The following WNT7B variants were observed in gnomAD, a reference collection of about 807,000 sequenced individuals.
WNT7B encodes protein Wnt-7b.
Under a neutral mutation model 38.2 loss-of-function variants are expected in WNT7B, and 19 were observed. The ratio of observed to expected loss-of-function variants is 0.50; its 90% confidence interval spans 0.35 to 0.73. The LOEUF (loss-of-function observed/expected upper bound fraction) is 0.73, where lower values mean the gene tolerates loss of function less well. WNT7B is among the 30% of genes least tolerant of loss of function. WNT7B has a pLI of 0.01. For missense variants in WNT7B, 423 were observed against 507.9 expected, an observed-to-expected ratio of 0.83 and a Z score of 1.61; for synonymous variants, 243 against 209.3, an observed-to-expected ratio of 1.16 and a Z score of -1.39.
chr22:45,940,622 C>G (rs949115123), intron 2 of WNT7B, among the ~76,000 whole-genome samples: 8 of 152,208 alleles, frequency 5.3e-5, no homozygotes, highest in African/African-American at 1.7e-4. Context: ...AGGCCGAGCA[C>G]ACAGCAGGGC....
chr22:45,975,145 T>C lies in WNT7B; in HGVS notation c.71+1539A>G, dbSNP rs1932524529. The stretch of plus-strand genomic sequence containing the variant: ...GGTCCTGTGCCCAGTTTCCTAATCC[T>C]TGAATCCGGGAGAGTAAAAGCACCT... On this transcript the variant is annotated intron_variant, in intron 1 of 3. Transcript: ENST00000339464. The surrounding 1 kb of genome is among the most constrained non-coding windows in gnomAD (Gnocchi z 6.6). Among the ~76,000 whole-genome samples, 1 of 152,088 alleles carries C rather than the reference T, an allele frequency of 6.6e-6. No homozygotes were observed. The highest frequency in any genetic ancestry group is 1.5e-5 in the Non-Finnish European group (1 of 67,994).
intron 3 of WNT7B, among the ~76,000 whole-genome samples, chr22:45,923,879 A>G (rs1273093515): frequency 1.3e-5 from 2 of 152,178 alleles, no homozygotes; most frequent in Non-Finnish European, 2.9e-5. Context: ...CCCAAGGCCA[A>G]GGGGAGCAGG....
rs1395766089 is a variant in WNT7B at position 45,922,967 on chromosome 22, G to C, written c.939C>G (p.Tyr313Ter). 6.2e-7 allele frequency: 1 copy of C among 1,613,388 alleles called. No homozygotes were observed. The highest frequency in any genetic ancestry group is 8.5e-7 in the Non-Finnish European group (1 of 1,179,876). ...ACACCTTGGTGTACTGGTGGGTGTT[G>C]TAGCCTCGGCCGCAGCACATGGTGT... ...GCDTMCCGRGYNTHQYTKVWQ... is the reference protein window; with the variant it reads ...GCDTMCCGRG Residue 313 changes from tyrosine to a stop codon, truncating the protein, a stop_gained, in exon 4 of 4, where the codon TAC (tyrosine) becomes TAG (stop). Transcript: ENST00000339464. LOFTEE classifies it high-confidence loss of function.
chr22:45,957,850 G>A (rs1315018651), intron 1 of WNT7B, among the ~76,000 whole-genome samples: 4 of 152,126 alleles, frequency 2.6e-5, no homozygotes, highest in Admixed American at 6.5e-5. Flanking sequence ...GCCAGCCACC[G>A]ACCTAAGGCA....
chr22:45,936,004 C>G (rs1291829349), intron 2 of WNT7B: 11 of 985,344 alleles, frequency 1.1e-5, no homozygotes, highest in Middle Eastern at 5.2e-4. Context: ...GGTCTGTACC[C>G]CCAGATTCTA....
intron 2 of WNT7B, among the ~76,000 whole-genome samples, chr22:45,943,079 ACGTGTGTG>A (rs1180673326): frequency 6.6e-6 from 1 of 150,880 alleles, no homozygotes; most frequent in Non-Finnish European, 1.5e-5. Flanking sequence ...ACATGTGTGC[ACGTGTGTG>A]CGTGTGTTTG....
intron 1 of WNT7B, among the ~76,000 whole-genome samples, chr22:45,962,157 G>C (rs1042721766): frequency 2.2e-4 from 34 of 152,122 alleles, no homozygotes; most frequent in Non-Finnish European, 4.9e-4. Context: ...GAAAAAGCTG[G>C]TGAAGAGCTG....
intron 2 of WNT7B, among the ~76,000 whole-genome samples, chr22:45,932,934 C>T (rs923042547): frequency 3.3e-5 from 5 of 152,214 alleles, no homozygotes; most frequent in African/African-American, 7.2e-5. Context: ...GGTGACAGCC[C>T]GCAGATAGAG....
At chr22:45,949,768 C>A in intron 2 of WNT7B, 152 bp downstream of exon 2, 1 of 733,158 alleles carries the variant, frequency 1.4e-6, no homozygotes, top group African/African-American at 1.8e-5. Context: ...AGGGCCAGGC[C>A]AGGCACGCAG....
intron 3 of WNT7B, among the ~76,000 whole-genome samples, chr22:45,929,524 C>G (rs1013403702): frequency 2.1e-5 from 3 of 143,222 alleles, no homozygotes; most frequent in Non-Finnish European, 4.5e-5. Context: ...TTCCGTCCAT[C>G]TTTCCACCCA....
intron 1 of WNT7B, chr22:45,972,030 G>A (rs563111610): frequency 1.5e-4 from 66 of 450,828 alleles, no homozygotes; most frequent in African/African-American, 1.3e-3. Flanking sequence ...CGGCTCCCGC[G>A]CGCGACGGTC....
chr22:45,956,737 G>T (rs566005527), intron 1 of WNT7B, among the ~76,000 whole-genome samples: 1 of 152,224 alleles, frequency 6.6e-6, no homozygotes, highest in African/African-American at 2.4e-5. Flanking sequence ...GCTGACACAC[G>T]TCAACACGGA....
intron 2 of WNT7B, among the ~76,000 whole-genome samples, chr22:45,933,784 G>A (rs77923417): frequency 0.039 from 5,995 of 152,252 alleles, 397 homozygotes; most frequent in African/African-American, 0.14. Flanking sequence ...TGTGACAGGC[G>A]TGCACTCCCG....
At chr22:45,926,757 C>A in intron 3 of WNT7B, 1 of 985,454 alleles carries the variant, frequency 1.0e-6, no homozygotes, top group Non-Finnish European at 1.2e-6. Flanking sequence ...GTCTGCTTCA[C>A]CCTCTGACCA....
At chr22:45,927,448 A>G (rs1931122720) in intron 3 of WNT7B, 4 of 1,548,480 alleles carry the variant, frequency 2.6e-6, no homozygotes, top group Middle Eastern at 1.7e-4. Context: ...GGGGAACGGC[A>G]TAGCAACCCC....
chr22:45,946,648 G>A (rs1353759210), intron 2 of WNT7B, among the ~76,000 whole-genome samples: 1 of 152,206 alleles, frequency 6.6e-6, no homozygotes, highest in Admixed American at 6.5e-5. Context: ...GCAGTGGAGG[G>A]GGGCCTAGTG....
At position 45,976,324 on chromosome 22, in the gene WNT7B, C is replaced by G. The variant is rs1366399619; in HGVS notation, c.71+360G>C. Among the ~76,000 whole-genome samples the G allele has an allele frequency of 1.3e-5, 2 of 149,930 alleles. No individual in the cohort carries two copies. The highest frequency in any genetic ancestry group is 3.0e-5 in the Non-Finnish European group (2 of 67,286). ...CCCTCCAGGCGGCGAGCGCTCGGCC[C>G]GGGCTCGGCGCCCAGCGCAGCCCGG... On this transcript the variant is annotated intron_variant, in intron 1 of 3. Transcript: ENST00000339464. This position sits in a 1 kb window ranked among gnomAD's most constrained non-coding sequence, Gnocchi z 8.5.
chr22:45,931,391 G>C, intron 2 of WNT7B, 22 bp from the exon 3 acceptor site: 4 of 1,567,300 alleles, frequency 2.6e-6, no homozygotes, highest in Non-Finnish European at 3.4e-6. Flanking sequence ...GACAGGTGCA[G>C]AAGGTGAGAC....
At chr22:45,933,669 A>G (rs1364801119) in intron 2 of WNT7B, among the ~76,000 whole-genome samples, 1 of 152,104 alleles carries the variant, frequency 6.6e-6, no homozygotes, top group Non-Finnish European at 1.5e-5. Flanking sequence ...ACCTCCGTGG[A>G]GTGGAGTCAA....
Sources: gnomAD v4.1 joint callset for allele counts (sites outside exome capture counted in the v4.1 genomes callset) on GRCh38, gnomAD v4.1.1 for gene constraint, Gnocchi (gnomAD v3.1) non-coding constraint, MANE v1.5 for transcripts, NCBI Gene and HGNC (gene_info 2026-07-23, HGNC 2026-07-21) for gene names.